IRAG2: variants seen among roughly 807,000 people sequenced by gnomAD.
IRAG2 encodes inositol 1,4,5-triphosphate receptor associated 2.
Under a neutral mutation model 69.9 loss-of-function variants are expected in IRAG2, and 45 were observed. The ratio of observed to expected loss-of-function variants is 0.64; its 90% CI spans 0.51 to 0.83. The LOEUF is 0.83. IRAG2 is among the 40% of genes least tolerant of loss of function. The pLI is 0.00. For missense variants in IRAG2, 520 were observed against 587.0 expected (o/e 0.89, Z 1.18); for synonymous variants, 193 against 202.4 (o/e 0.95, Z 0.40).
intron 15 of IRAG2, among the ~76,000 whole-genome samples, chr12:25,098,362 T>C (rs1329210327): frequency 6.6e-6 from 1 of 152,186 alleles, no homozygotes; most frequent in Non-Finnish European, 1.5e-5. Context: ...TTTCCCCATA[T>C]TCTCTCTCAA....
At chr12:25,083,886 A>T (rs1330504012) in intron 10 of IRAG2, among the ~76,000 whole-genome samples, 1 of 152,280 alleles carries the variant, frequency 6.6e-6, no homozygotes, top group Non-Finnish European at 1.5e-5. Flanking sequence ...TGTTCTAATC[A>T]GGTGAAGAAA....
chr12:25,070,455 CATG>C (rs1241268830), intron 6 of IRAG2, among the ~76,000 whole-genome samples: 5 of 152,196 alleles, frequency 3.3e-5, no homozygotes, highest in Admixed American at 3.3e-4. Flanking sequence ...CATGTCATAG[CATG>C]ATATCAGTAC....
intron 16 of IRAG2, among the ~76,000 whole-genome samples, chr12:25,045,198 A>G (rs572400336): frequency 1.6e-4 from 24 of 152,224 alleles, no homozygotes; most frequent in African/African-American, 5.1e-4. Context: ...TAGACTTGAG[A>G]CAAATGAAAA....
At position 25,102,076 on chromosome 12, in the gene IRAG2, C is replaced by T. The variant is rs558875568; in HGVS notation, c.890-122C>T. 1.9e-5 allele frequency: 14 copies of T among 729,416 alleles called. No homozygotes were observed. The East Asian group carries it at 2.1e-4, about 11-fold the overall frequency. 45.2% of individuals were successfully genotyped at this position (729,416 alleles called of 1,614,324 possible). On this transcript the variant is annotated intron_variant, in intron 16 of 21. Transcript: ENST00000556887. ...ATGATAAACAGATATTTATATTGCT[C>T]GGTAGTCTCTAAAGTCTTAATATCT...
intron 9 of IRAG2, 102 bp downstream of exon 9, chr12:25,079,865 A>AT: frequency 1.5e-6 from 1 of 658,618 alleles, no homozygotes. Flanking sequence ...AATGTTATTT[A>AT]ATTTTTTTTG....
chr12:25,087,180 T>TTTTTTTTTTTTTTTGTTG (rs1450270058), intron 10 of IRAG2, among the ~76,000 whole-genome samples: 1 of 125,170 alleles, frequency 8.0e-6, no homozygotes, highest in African/African-American at 3.1e-5. Context: ...TTTTTTTTTT[T>TTTTTTTTTTTTTTTGTTG]TTGTTGAGAC....
chr12:25,003,494 C>A (rs1226261514), upstream of IRAG2, among the ~76,000 whole-genome samples: 1 of 151,884 alleles, frequency 6.6e-6, no homozygotes, highest in East Asian at 1.9e-4. Flanking sequence ...TACAGGCACG[C>A]ACCACCACAC....
intron 9 of IRAG2, among the ~76,000 whole-genome samples, chr12:25,029,367 G>T (rs1279118363): frequency 6.6e-6 from 1 of 152,124 alleles, no homozygotes; most frequent in Admixed American, 6.5e-5. Flanking sequence ...ATAACCTCAG[G>T]CAAGCTCTAA....
chr12:25,032,241 G>T (rs1171620655), intron 11 of IRAG2: 14 of 398,896 alleles, frequency 3.5e-5, no homozygotes, highest in Non-Finnish European at 1.3e-5. Context: ...TGCAAGGTGG[G>T]CTTGTTAAAT....
chr12:25,067,247 A>T (rs1472481519), intron 5 of IRAG2, among the ~76,000 whole-genome samples: 1 of 152,080 alleles, frequency 6.6e-6, no homozygotes, highest in Non-Finnish European at 1.5e-5. Flanking sequence ...CTAAAGGAAA[A>T]ACACACTCAC....
intron 1 of IRAG2, among the ~76,000 whole-genome samples, chr12:25,060,369 A>G (rs547213675): frequency 6.6e-6 from 1 of 152,200 alleles, no homozygotes; most frequent in South Asian, 2.1e-4. Context: ...CTTTTCCCCC[A>G]TTTCCATTAT....
intron 10 of IRAG2, among the ~76,000 whole-genome samples, chr12:25,031,424 A>G (rs1369260035): frequency 6.6e-6 from 1 of 152,222 alleles, no homozygotes; most frequent in Non-Finnish European, 1.5e-5. Context: ...TTGGTCTTGT[A>G]GAAGAAAACA....
intron 2 of IRAG2, among the ~76,000 whole-genome samples, chr12:25,010,759 C>T (rs1405335558): frequency 6.6e-6 from 1 of 152,036 alleles, no homozygotes; most frequent in African/African-American, 2.4e-5. Flanking sequence ...TTGCAAGTAG[C>T]CAGCCCAAGG....
intron 10 of IRAG2, among the ~76,000 whole-genome samples, chr12:25,085,423 C>T (rs1187651999): frequency 5.9e-5 from 9 of 152,232 alleles, no homozygotes; most frequent in African/African-American, 2.2e-4. Context: ...CCAGGCTAAA[C>T]TCCCCTTGGC....
At chr12:25,106,830 C>T in intron 20 of IRAG2, 113 bp from the exon 21 acceptor site, 1 of 403,040 alleles carries the variant, frequency 2.5e-6, no homozygotes, top group South Asian at 9.4e-5. Flanking sequence ...TTCCCTAAAA[C>T]AGAACAAATA....
chr12:25,087,981 G>C (rs1947755796), intron 10 of IRAG2, 119 bp from the exon 11 acceptor site: 2 of 687,832 alleles, frequency 2.9e-6, no homozygotes, highest in Non-Finnish European at 5.1e-6. Context: ...AAAAGGTTGG[G>C]GACTGCTGTT....
intron 3 of IRAG2, chr12:25,015,151 TTTTG>T: frequency 3.2e-6 from 3 of 926,310 alleles, no homozygotes; most frequent in East Asian, 4.8e-5. Flanking sequence ...AGCTCACTGG[TTTTG>T]TTTTTTTTTT....
chr12:25,098,174 C>T (rs1270879026), intron 15 of IRAG2, among the ~76,000 whole-genome samples: 16 of 152,240 alleles, frequency 1.1e-4, no homozygotes, highest in Admixed American at 1.0e-3. Flanking sequence ...AAATCCGCTT[C>T]TCCACCTCTC....
intron 5 of IRAG2, 89 bp downstream of exon 5, chr12:25,066,601 C>T (rs543586411): frequency 3.3e-5 from 13 of 397,170 alleles, no homozygotes; most frequent in South Asian, 1.4e-4. Flanking sequence ...ATTTTCATAA[C>T]GTGAGATCAC....
Sources: allele counts gnomAD v4.1 joint callset (sites outside exome capture counted in the v4.1 genomes callset), GRCh38; gene constraint gnomAD v4.1.1; transcripts MANE v1.5; gene names NCBI Gene and HGNC (gene_info 2026-07-23, HGNC 2026-07-21).